ABL1: variants seen among roughly 807,000 people sequenced by gnomAD.
ABL1 encodes the protein ABL proto-oncogene 1, non-receptor tyrosine kinase.
Under a neutral mutation model 94.7 loss-of-function variants are expected in ABL1, and 11 were observed. That is an observed-to-expected ratio of 0.12 (90% CI 0.07 to 0.19). The LOEUF (loss-of-function observed/expected upper bound fraction) is 0.19. ABL1 is among the 10% of genes least tolerant of loss of function. The pLI, the probability that ABL1 is intolerant of heterozygous loss-of-function variation, is 1.00. For missense variants in ABL1, 1,082 were observed against 1,489.4 expected (o/e 0.73, Z 4.50); for synonymous variants, 656 against 622.4 (o/e 1.05, Z -0.80).
chr9:130,778,908 C>T (rs935988150), intron 1 of ABL1, among the ~76,000 whole-genome samples: 6 of 151,954 alleles, frequency 3.9e-5, no homozygotes, highest in Non-Finnish European at 7.4e-5. Flanking sequence ...TATACTTTAA[C>T]CCCTAGAGAT....
intron 1 of ABL1, among the ~76,000 whole-genome samples, chr9:130,845,305 T>A (rs534872367): frequency 6.6e-6 from 1 of 152,118 alleles, no homozygotes; most frequent in South Asian, 2.1e-4. Context: ...AAATTCTCCA[T>A]CCTAACTCCT....
rs187724009 is a variant in ABL1 at position 130,848,896 on chromosome 9, G to A, written c.80-5168G>A. Among the ~76,000 whole-genome samples the A allele has an allele frequency of 8.6e-3, 1,300 of 151,968 alleles. 7 individuals carry two copies. The highest frequency in any genetic ancestry group is 0.014 in the Non-Finnish European group (943 of 67,986). ...GAAGGTTGCAGTGAGCAGAGATCAC[G>A]CCATTGCACTCCAGCCTGAGTGTCA... On this transcript the variant is annotated intron_variant, in intron 1 of 10. Transcript: ENST00000318560.
chr9:130,816,113 T>C (rs1830283191), intron 1 of ABL1, among the ~76,000 whole-genome samples: 1 of 152,122 alleles, frequency 6.6e-6, no homozygotes, highest in African/African-American at 2.4e-5. Flanking sequence ...ACCTCTGACT[T>C]ACCTCCTTTT....
intron 1 of ABL1, among the ~76,000 whole-genome samples, chr9:130,838,922 CT>C (rs1311425575): frequency 3.9e-5 from 6 of 151,976 alleles, no homozygotes; most frequent in East Asian, 1.9e-4. Context: ...GTTATTGTTG[CT>C]TTTGGAGATA....
At chr9:130,800,928 C>CTTTTTTTT (rs5900906) in intron 1 of ABL1, among the ~76,000 whole-genome samples, 1 of 128,776 alleles carries the variant, frequency 7.8e-6, no homozygotes, top group African/African-American at 2.9e-5. Flanking sequence ...TTTTTCTTTC[C>CTTTTTTTT]TTTTTTTTTT....
intron 1 of ABL1, among the ~76,000 whole-genome samples, chr9:130,837,084 C>T (rs1830601134): frequency 6.6e-6 from 1 of 152,194 alleles, no homozygotes; most frequent in African/African-American, 2.4e-5. Context: ...GTACCTCACT[C>T]CTCTTCTGTC....
Position 130,863,131 on chromosome 9 carries a change from C to A in ABL1, c.822+96C>A. On this transcript the variant is annotated intron_variant, in intron 4 of 10. Coordinates refer to ENST00000318560, the MANE Select transcript of ABL1 (RefSeq NM_005157.6). This position sits in a 1 kb window ranked among gnomAD's most constrained non-coding sequence, Gnocchi z 4.3. ...TGCCTGGAAGTCTACCTCCTGCCTG[C>A]TGTCCGAGGGCTTCATTGGCGCCAC... The A allele has an allele frequency of 1.4e-6, 2 of 1,386,352 alleles. No homozygotes were observed. The highest frequency in any genetic ancestry group is 9.6e-7 in the Non-Finnish European group (1 of 1,037,578). 85.9% of individuals were successfully genotyped at this position (1,386,352 alleles called of 1,614,324 possible).
At chr9:130,837,031 G>A (rs1830600327) in intron 1 of ABL1, among the ~76,000 whole-genome samples, 2 of 152,136 alleles carry the variant, frequency 1.3e-5, no homozygotes, top group African/African-American at 4.8e-5. Flanking sequence ...GATCGCACTA[G>A]TGATGTGGGT....
intron 1 of ABL1, among the ~76,000 whole-genome samples, chr9:130,729,784 G>A (rs144079989): frequency 2.0e-5 from 3 of 151,568 alleles, no homozygotes; most frequent in Non-Finnish European, 4.4e-5. Context: ...CGCCCAGGCT[G>A]GAGTGCAGTG....
intron 1 of ABL1, among the ~76,000 whole-genome samples, chr9:130,764,127 G>A (rs967759308): frequency 9.2e-5 from 14 of 152,132 alleles, no homozygotes; most frequent in Non-Finnish European, 1.9e-4. Context: ...CTGCAGTAGC[G>A]CATGGCCTGG....
intron 1 of ABL1, among the ~76,000 whole-genome samples, chr9:130,809,381 TGA>T (rs370101656): frequency 0.017 from 2,312 of 132,558 alleles, 46 homozygotes; most frequent in African/African-American, 0.047. Flanking sequence ...TGAAGGTTCT[TGA>T]GAGAGAGAGA....
rs386416354 is a variant in ABL1, at chr9:130,835,355, C to CCG, written c.-92_-91insCG. 54 of 675,170 alleles carry CCG rather than the reference C, an allele frequency of 8.0e-5. No individual in the cohort carries two copies. Among genetic ancestry groups the CCG allele is most frequent in the African/African-American group, 1.1e-4 (5 of 44,892 alleles). 41.8% of individuals were successfully genotyped at this position (675,170 alleles called of 1,614,324 possible). On this transcript the variant is annotated 5_prime_UTR_variant, in exon 1 of 11. Transcript: ENST00000318560. This position sits in a 1 kb window ranked among gnomAD's most constrained non-coding sequence, Gnocchi z 4.6. ...GGGCGGCTGGCGGGGCCGGGGGCGC[C>CCG]GGGGGGGCGCGCGGGCCGAGCCGGG...
intron 1 of ABL1, among the ~76,000 whole-genome samples, chr9:130,827,847 T>C (rs990170055): frequency 4.0e-5 from 6 of 151,198 alleles, no homozygotes; most frequent in Non-Finnish European, 8.8e-5. Context: ...TGAGCCAAGA[T>C]TGCACCACCG....
At chr9:130,722,140 C>A (rs868709748) in intron 1 of ABL1, among the ~76,000 whole-genome samples, 21 of 151,964 alleles carry the variant, frequency 1.4e-4, no homozygotes, top group Middle Eastern at 3.4e-3. Context: ...CGCCTGTAAT[C>A]CCAGCACTTT....
intron 1 of ABL1, among the ~76,000 whole-genome samples, chr9:130,761,060 G>C (rs1261111746): frequency 6.8e-6 from 1 of 147,714 alleles, no homozygotes; most frequent in Non-Finnish European, 1.5e-5. Context: ...CCATTCTCCT[G>C]CCTCAGCCTC....
chr9:130,742,044 G>C (rs1041615229), intron 1 of ABL1, among the ~76,000 whole-genome samples: 4 of 152,120 alleles, frequency 2.6e-5, no homozygotes, highest in African/African-American at 9.7e-5. Flanking sequence ...AGGGAACCTA[G>C]CCTTGTGACC....
At chr9:130,795,441 A>G (rs1010065475) in intron 1 of ABL1, among the ~76,000 whole-genome samples, 4 of 152,186 alleles carry the variant, frequency 2.6e-5, no homozygotes, top group Admixed American at 2.0e-4. Context: ...CTCGCACGAC[A>G]GATTAGAAAC....
In ABL1 at chr9:130,875,296, C is replaced by T. The variant is rs191372344; in HGVS notation, c.1270+244C>T. 2.6e-5 allele frequency among the ~76,000 whole-genome samples: 4 copies of T among 152,230 alleles called. No homozygotes were observed. In the East Asian group the frequency reaches 7.7e-4, roughly 29 times the overall value. On this transcript the variant is annotated intron_variant, in intron 7 of 10. Transcript: ENST00000318560. ...AGCTGGGATTATAGGCACCCGCCAC[C>T]ACACCCAGCTAATTTTTGGTATTTT...
Position 130,880,698 on chromosome 9 carries a change from T to C in ABL1, c.1678+34T>C. The C allele has an allele frequency of 1.2e-6, 2 of 1,606,280 alleles. No homozygotes were observed. The highest frequency in any genetic ancestry group is 1.7e-6 in the Non-Finnish European group (2 of 1,176,568). On this transcript the variant is annotated intron_variant, in intron 10 of 10. Coordinates refer to ENST00000318560, the MANE Select transcript of ABL1 (RefSeq NM_005157.6). This position sits in a 1 kb window ranked among gnomAD's most constrained non-coding sequence, Gnocchi z 4.4. ...CCCGCTTCCCCCAACCCCACTGCTC[T>C]TCCCTTCCCTGCCAGAGGCTACATT...
Sources: gnomAD v4.1 joint callset for allele counts (sites outside exome capture counted in the v4.1 genomes callset) on GRCh38, gnomAD v4.1.1 for gene constraint, Gnocchi (gnomAD v3.1) non-coding constraint, MANE v1.5 for transcripts, NCBI Gene and HGNC (gene_info 2026-07-23, HGNC 2026-07-21) for gene names.